The following MCMBP variants were observed in gnomAD, a reference collection of about 807,000 sequenced individuals.
The protein encoded by MCMBP is mini-chromosome maintenance complex-binding protein.
Under a neutral mutation model 81.3 loss-of-function variants are expected in MCMBP, and 31 were observed. The observed-to-expected ratio is 0.38, with a 90% CI of 0.29 to 0.51. The LOEUF is 0.51. Ranked by LOEUF, MCMBP falls within the 20% of genes least tolerant of loss-of-function variation. MCMBP has a pLI of 0.87. For missense variants in MCMBP, 645 were observed against 772.1 expected, an observed-to-expected ratio of 0.84 and a Z score of 1.95; for synonymous variants, 267 against 275.9, an observed-to-expected ratio of 0.97 and a Z score of 0.32.
Position 119,857,318 on chromosome 10 carries a change from A to G in MCMBP, c.429+20T>C, listed in dbSNP as rs753714474. The G allele has an allele frequency of 5.8e-6, 9 of 1,547,594 alleles. No homozygotes were observed. Among genetic ancestry groups the G allele is most frequent in the South Asian group, 3.5e-5 (3 of 86,594 alleles). ...TTTTAGAAACCATCAACACAGTAAG[A>G]AAGTTCAGATAAAGGATATTTCTTT... On this transcript the variant is annotated intron_variant, in intron 5 of 15. Transcript: ENST00000369077.
At chr10:119,848,528 G>A (rs1852699331) in intron 7 of MCMBP, among the ~76,000 whole-genome samples, 1 of 152,106 alleles carries the variant, frequency 6.6e-6, no homozygotes, top group Admixed American at 6.5e-5. Flanking sequence ...CACGAGAATT[G>A]CCTGAACCCA....
intron 7 of MCMBP, among the ~76,000 whole-genome samples, chr10:119,848,195 T>C (rs1852684352): frequency 6.6e-6 from 1 of 151,896 alleles, no homozygotes; most frequent in Admixed American, 6.6e-5. Flanking sequence ...TTCAAAATTG[T>C]CTGTCATGAT....
At chr10:119,862,373 T>A (rs1407284576) in intron 1 of MCMBP, among the ~76,000 whole-genome samples, 1 of 152,150 alleles carries the variant, frequency 6.6e-6, no homozygotes, top group African/African-American at 2.4e-5. Context: ...TCCTCCAGAC[T>A]CCATGTGTGT....
rs1852219150 is a variant in MCMBP at position 119,835,780 on chromosome 10, T to G, written c.1543-76A>C. On this transcript the variant is annotated intron_variant, in intron 13 of 15. Coordinates refer to ENST00000369077, the MANE Select transcript of MCMBP (RefSeq NM_001256378.2). The stretch of plus-strand genomic sequence containing the variant: ...CATTTTTAAAGAAAGATGCATCATC[T>G]CTGTCAGCCCCTATGGGAATTAGAA... The G allele has an allele frequency of 4.1e-6, 6 of 1,450,968 alleles. No homozygotes were observed. The South Asian group carries it at 7.1e-5, about 17-fold the overall frequency. The allele number at this position is 1,450,968 out of a possible 1,614,324, so 89.9% of individuals were successfully genotyped here. A position where few individuals can be genotyped will look rare whatever the true frequency, so the allele number is the denominator to read the frequency against.
chr10:119,849,667 C>G, intron 6 of MCMBP, 91 bp from the exon 7 acceptor site: 1 of 1,182,626 alleles, frequency 8.5e-7, no homozygotes, highest in Non-Finnish European at 1.2e-6. Context: ...GTTTGATATA[C>G]GTGATGCTTC....
chr10:119,861,801 TG>T (rs1370115562), intron 1 of MCMBP, among the ~76,000 whole-genome samples: 5 of 152,168 alleles, frequency 3.3e-5, no homozygotes, highest in Non-Finnish European at 7.3e-5. Context: ...AGTACAGTGG[TG>T]TGATCCTGGC....
intron 15 of MCMBP, 91 bp from the exon 16 acceptor site, chr10:119,831,691 A>G: frequency 6.9e-7 from 1 of 1,442,660 alleles, no homozygotes; most frequent in Non-Finnish European, 9.4e-7. Flanking sequence ...TTGTGAAAAC[A>G]CAGAGCACGT....
chr10:119,850,951 C>T (rs1221413550), intron 6 of MCMBP, among the ~76,000 whole-genome samples: 2 of 149,334 alleles, frequency 1.3e-5, no homozygotes, highest in Non-Finnish European at 3.0e-5. Flanking sequence ...GCGCTCACTG[C>T]AACCTTCGCC....
chr10:119,848,907 T>G (rs1241922242), intron 7 of MCMBP, among the ~76,000 whole-genome samples: 1 of 152,242 alleles, frequency 6.6e-6, no homozygotes, highest in Non-Finnish European at 1.5e-5. Flanking sequence ...AAAGTTGTTC[T>G]GCTTCTGCAT....
intron 7 of MCMBP, 123 bp downstream of exon 7, chr10:119,849,302 T>TA: frequency 1.0e-6 from 1 of 1,004,234 alleles, no homozygotes; most frequent in Non-Finnish European, 1.4e-6. Context: ...TTTAGGCTAT[T>TA]AAATTTGCAG....
chr10:119,854,350 T>A (rs911923719), intron 5 of MCMBP, among the ~76,000 whole-genome samples: 5 of 151,752 alleles, frequency 3.3e-5, no homozygotes, highest in Non-Finnish European at 5.9e-5. Flanking sequence ...TCTGTTTTTT[T>A]AAAATAAATT....
intron 1 of MCMBP, among the ~76,000 whole-genome samples, chr10:119,871,871 G>A (rs929660744): frequency 6.6e-6 from 1 of 152,150 alleles, no homozygotes; most frequent in African/African-American, 2.4e-5. Context: ...AATTTACTAA[G>A]CTCGCCTGCA....
intron 6 of MCMBP, among the ~76,000 whole-genome samples, chr10:119,851,547 C>T (rs957070188): frequency 6.6e-6 from 1 of 152,086 alleles, no homozygotes. Context: ...ATTCTACTGC[C>T]TTAGCCTCCC....
rs151039495 is a variant in MCMBP, at chr10:119,857,356, T to C, written c.411A>G (p.Glu137=). ...AGGATATTTCTTTTACCCACGTAGA[T>C]TCCCCAGGCACCGGAACACAATAGA... ...QTFYCVPVPG[E]STWVKEAYVN... is the part of the protein sequence containing the mutation. Residue 137 remains glutamate, a synonymous_variant, in exon 5 of 16, where the codon GAA becomes GAG. Coordinates refer to ENST00000369077, the MANE Select transcript of MCMBP (RefSeq NM_001256378.2). 463 of 1,609,438 alleles carry C rather than the reference T, an allele frequency of 2.9e-4. No individual in the cohort carries two copies. Among genetic ancestry groups the C allele is most frequent in the Non-Finnish European group, 3.7e-4 (436 of 1,176,670 alleles).
At chr10:119,854,374 A>C (rs1328987514) in intron 5 of MCMBP, among the ~76,000 whole-genome samples, 1 of 151,634 alleles carries the variant, frequency 6.6e-6, no homozygotes, top group Non-Finnish European at 1.5e-5. Flanking sequence ...AAAATAAAAA[A>C]TAAAAATTCT....
chr10:119,851,431 A>G (rs1476405786), intron 6 of MCMBP, among the ~76,000 whole-genome samples: 1 of 152,148 alleles, frequency 6.6e-6, no homozygotes, highest in Admixed American at 6.5e-5. Context: ...TACAATATAT[A>G]AGTTACTATG....
chr10:119,853,710 T>C (rs1047804073), intron 5 of MCMBP, among the ~76,000 whole-genome samples: 1 of 152,194 alleles, frequency 6.6e-6, no homozygotes, highest in African/African-American at 2.4e-5. Flanking sequence ...AAATTGTGGA[T>C]ATACAAGTCA....
At chr10:119,854,876 C>G (rs1257066124) in intron 5 of MCMBP, among the ~76,000 whole-genome samples, 1 of 151,340 alleles carries the variant, frequency 6.6e-6, no homozygotes, top group Non-Finnish European at 1.5e-5. Context: ...ATCACTTGAA[C>G]CCGGGAAGCG....
At chr10:119,838,438 G>T in intron 12 of MCMBP, 97 bp downstream of exon 12, 1 of 1,170,528 alleles carries the variant, frequency 8.5e-7, no homozygotes, top group Non-Finnish European at 1.2e-6. Flanking sequence ...GTTGTTAAAT[G>T]TGAATTTGTC....
Sources: allele counts gnomAD v4.1 joint callset (sites outside exome capture counted in the v4.1 genomes callset), GRCh38; gene constraint gnomAD v4.1.1; transcripts MANE v1.5; gene names NCBI Gene and HGNC (gene_info 2026-07-23, HGNC 2026-07-21).